CORO2B: variants seen among roughly 807,000 people sequenced by gnomAD.
CORO2B encodes coronin-2B.
Under a neutral mutation model 58.8 loss-of-function variants are expected in CORO2B, and 26 were observed. The observed-to-expected ratio is 0.44, with a 90% CI of 0.32 to 0.61. The LOEUF (loss-of-function observed/expected upper bound fraction) is 0.61. Among genes scored for constraint, CORO2B ranks in the 20% least tolerant of loss-of-function variants. CORO2B has a pLI of 0.04. For missense variants in CORO2B, 460 were observed against 645.1 expected (o/e 0.71, Z 3.11); for synonymous variants, 242 against 253.8 (o/e 0.95, Z 0.44).
At chr15:68,620,880 C>T (rs1900496569) in intron 1 of CORO2B, among the ~76,000 whole-genome samples, 1 of 152,162 alleles carries the variant, frequency 6.6e-6, no homozygotes, top group Admixed American at 6.5e-5. Context: ...GATGAAATCC[C>T]CCAACAAAGG....
the CORO2B span, among the ~76,000 whole-genome samples, chr15:68,569,974 G>T: frequency 6.6e-6 from 1 of 152,308 alleles, no homozygotes; most frequent in Non-Finnish European, 1.5e-5. Context: ...AGGAGTCATT[G>T]GTCAGTGGGG....
At chr15:68,534,026 T>C in the CORO2B span, among the ~76,000 whole-genome samples, 5 of 152,306 alleles carry the variant, frequency 3.3e-5, no homozygotes, top group African/African-American at 9.6e-5. Flanking sequence ...ATTTCTAAGA[T>C]AGGACATGTG....
intron 1 of CORO2B, among the ~76,000 whole-genome samples, chr15:68,597,066 G>A (rs1218364414): frequency 6.6e-6 from 1 of 152,106 alleles, no homozygotes; most frequent in Non-Finnish European, 1.5e-5. Flanking sequence ...ATTTTGAGCA[G>A]AAGCATATAT....
the CORO2B span, among the ~76,000 whole-genome samples, chr15:68,562,990 AAAG>A: frequency 4.4e-4 from 66 of 151,080 alleles, no homozygotes; most frequent in Admixed American, 9.2e-4. Context: ...GAAAAAAAAA[AAAG>A]AAAGAAAAGA....
At chr15:68,668,098 G>C (rs1190605867) in intron 2 of CORO2B, among the ~76,000 whole-genome samples, 1 of 152,212 alleles carries the variant, frequency 6.6e-6, no homozygotes, top group Admixed American at 6.5e-5. Flanking sequence ...GAGGAAACAG[G>C]TATAGCTTAT....
intron 1 of CORO2B, among the ~76,000 whole-genome samples, chr15:68,586,994 C>T (rs1216236526): frequency 6.6e-6 from 1 of 150,620 alleles, no homozygotes; most frequent in Non-Finnish European, 1.5e-5. Context: ...TTAAATCTTT[C>T]TTATTATCTA....
upstream of CORO2B, among the ~76,000 whole-genome samples, chr15:68,577,015 G>A (rs1899301172): frequency 1.3e-5 from 2 of 152,100 alleles, no homozygotes; most frequent in South Asian, 4.2e-4. Context: ...GGTGGGATGC[G>A]TTTGAGTTAG....
chr15:68,610,727 G>A (rs1278087370), intron 1 of CORO2B, among the ~76,000 whole-genome samples: 1 of 152,092 alleles, frequency 6.6e-6, no homozygotes, highest in African/African-American at 2.4e-5. Flanking sequence ...GGTACTCTGA[G>A]GCCCAGTCAA....
intron 3 of CORO2B, among the ~76,000 whole-genome samples, chr15:68,703,167 T>C (rs917046474): frequency 7.9e-6 from 1 of 127,022 alleles, no homozygotes; most frequent in African/African-American, 2.7e-5. Context: ...TTTTTTTTTT[T>C]TTGAGACGGA....
the CORO2B span, among the ~76,000 whole-genome samples, chr15:68,552,119 T>C: frequency 6.6e-6 from 1 of 152,106 alleles, no homozygotes; most frequent in African/African-American, 2.4e-5. Context: ...AGCTGCTTGC[T>C]CAAAATGCTG....
intron 3 of CORO2B, among the ~76,000 whole-genome samples, chr15:68,705,449 A>AG (rs1165048158): frequency 6.6e-6 from 1 of 151,606 alleles, no homozygotes; most frequent in Non-Finnish European, 1.5e-5. Context: ...AAAAAAAAAA[A>AG]AAAAAGAAAG....
chr15:68,562,259 C>A, the CORO2B span, among the ~76,000 whole-genome samples: 1 of 152,260 alleles, frequency 6.6e-6, no homozygotes, highest in East Asian at 1.9e-4. Flanking sequence ...AGAGTAAAGG[C>A]CCTGGTGCAA....
In CORO2B at chr15:68,714,676, G is replaced by A; in HGVS notation, c.870+13G>A. ...CCTGGCTGGAAAGGTAGTAGGAGGT[G>A]GGGGAGGGCCCGGGGCAGCCTGTGG... On this transcript the variant is annotated intron_variant, in intron 7 of 11. Transcript: ENST00000261861. 3 of 1,605,470 alleles carry A rather than the reference G, an allele frequency of 1.9e-6. No individual in the cohort carries two copies. The highest frequency in any genetic ancestry group is 2.6e-6 in the Non-Finnish European group (3 of 1,172,548).
intron 2 of CORO2B, among the ~76,000 whole-genome samples, chr15:68,664,311 C>G (rs1366421881): frequency 6.6e-6 from 1 of 152,036 alleles, no homozygotes; most frequent in African/African-American, 2.4e-5. Flanking sequence ...TATATTTGAA[C>G]CAGCAAAGTG....
At chr15:68,599,208 C>T (rs75419226) in intron 1 of CORO2B, among the ~76,000 whole-genome samples, 2,985 of 152,316 alleles carry the variant, frequency 0.02, 31 homozygotes, top group Non-Finnish European at 0.029. Context: ...GCGACCTCCT[C>T]CACAGAGCCT....
At chr15:68,685,019 G>C (rs747422826) in intron 2 of CORO2B, among the ~76,000 whole-genome samples, 5 of 152,242 alleles carry the variant, frequency 3.3e-5, no homozygotes, top group Non-Finnish European at 7.4e-5. Flanking sequence ...TGATGATAGG[G>C]GTGGCCCATG....
rs141685270 is a variant in CORO2B, at chr15:68,631,355, T to G, written c.16-13805T>G. On this transcript the variant is annotated intron_variant, in intron 1 of 11. Transcript: ENST00000261861. ...AGATGAGAACTCGAGCTCCAAAAAGTTTATGAACTTGTCTAGGGCTTGTTA... is the reference window on the plus strand; with the variant it reads ...AGATGAGAACTCGAGCTCCAAAAAGGTTATGAACTTGTCTAGGGCTTGTTA... 1.4e-3 allele frequency among the ~76,000 whole-genome samples: 212 copies of G among 152,272 alleles called. 1 individual carries two copies. Among genetic ancestry groups the G allele is most frequent in the African/African-American group, 5.0e-3 (206 of 41,560 alleles).
the CORO2B span, among the ~76,000 whole-genome samples, chr15:68,562,664 T>A: frequency 3.2e-4 from 48 of 151,912 alleles, no homozygotes; most frequent in African/African-American, 1.1e-3. Flanking sequence ...AATGAGAAAA[T>A]TATAAAATAC....
intron 1 of CORO2B, among the ~76,000 whole-genome samples, chr15:68,582,386 T>C (rs1299048785): frequency 6.6e-6 from 1 of 152,138 alleles, no homozygotes; most frequent in African/African-American, 2.4e-5. Flanking sequence ...GCCCTGAGCA[T>C]GCACAGGAGG....
Sources: allele counts gnomAD v4.1 joint callset (sites outside exome capture counted in the v4.1 genomes callset), GRCh38; gene constraint gnomAD v4.1.1; transcripts MANE v1.5; gene names NCBI Gene and HGNC (gene_info 2026-07-23, HGNC 2026-07-21).